Variants in SLC12A1 observed in about 807,000 individuals in gnomAD.
SLC12A1 encodes Na-K-2Cl cotransporter.
In SLC12A1, 89 loss-of-function variants were observed where a neutral mutation model predicts 130.4. The observed-to-expected ratio is 0.68, with a 90% confidence interval of 0.58 to 0.81. SLC12A1 has a LOEUF of 0.81. Among genes scored for constraint, SLC12A1 ranks in the 40% least tolerant of loss-of-function variants. The pLI is 0.00. For missense variants in SLC12A1, 1,310 were observed against 1,336.4 expected, an observed-to-expected ratio of 0.98 and a Z score of 0.31; for synonymous variants, 499 against 460.0, an observed-to-expected ratio of 1.08 and a Z score of -1.09.
chr15:48,301,664 G>C (rs1597465514), intron 26 of SLC12A1, among the ~76,000 whole-genome samples: 1 of 152,032 alleles, frequency 6.6e-6, no homozygotes, highest in East Asian at 1.9e-4. Context: ...CCATGCTCCA[G>C]GAATCTGAGA....
At chr15:48,289,430 A>T (rs8040577) in intron 23 of SLC12A1, among the ~76,000 whole-genome samples, 1,833 of 84,190 alleles carry the variant, frequency 0.022, 111 homozygotes, top group East Asian at 0.15. Flanking sequence ...TATATATATA[A>T]TGTATAACTA....
At chr15:48,300,285 A>C (rs1415530014) in intron 25 of SLC12A1, among the ~76,000 whole-genome samples, 1 of 151,956 alleles carries the variant, frequency 6.6e-6, no homozygotes, top group Non-Finnish European at 1.5e-5. Flanking sequence ...AGCTCGTGCC[A>C]CTGTACTCTA....
chr15:48,279,779 T>C (rs1472479760), intron 20 of SLC12A1, among the ~76,000 whole-genome samples: 2 of 152,206 alleles, frequency 1.3e-5, no homozygotes, highest in Non-Finnish European at 2.9e-5. Flanking sequence ...TACAGCATGA[T>C]TTGTGAACAT....
chr15:48,214,763 A>C (rs1597396557), intron 2 of SLC12A1, among the ~76,000 whole-genome samples: 2 of 147,600 alleles, frequency 1.4e-5, no homozygotes, highest in Non-Finnish European at 2.9e-5. Flanking sequence ...CAGGAGTGGG[A>C]GGGGCTTAGG....
intron 9 of SLC12A1, among the ~76,000 whole-genome samples, chr15:48,237,783 G>A (rs936711197): frequency 3.3e-5 from 5 of 152,134 alleles, no homozygotes; most frequent in Middle Eastern, 3.2e-3. Context: ...GAGACTCTAC[G>A]GAGGTTAGAC....
intron 20 of SLC12A1, among the ~76,000 whole-genome samples, chr15:48,276,629 T>C (rs2041956833): frequency 6.6e-6 from 1 of 152,070 alleles, no homozygotes; most frequent in Non-Finnish European, 1.5e-5. Context: ...CCTCCAGAAT[T>C]GTGAGGAAAT....
rs556066932 is a variant in SLC12A1 at position 48,279,378 on chromosome 15, A to T, written c.2485+4725A>T. 1.4e-3 allele frequency among the ~76,000 whole-genome samples: 209 copies of T among 152,340 alleles called. 1 individual carries two copies. Among genetic ancestry groups the T allele is most frequent in the African/African-American group, 4.8e-3 (199 of 41,566 alleles). On this transcript the variant is annotated intron_variant, in intron 20 of 26. Coordinates refer to ENST00000380993, the MANE Select transcript of SLC12A1 (RefSeq NM_000338.3). ...CATCACAGATTATAATTTAAAGGAA[A>T]TATTAGCAATTCAGAGTGCCCATAT...
At chr15:48,271,217 A>T (rs1023130784) in intron 19 of SLC12A1, among the ~76,000 whole-genome samples, 1 of 152,254 alleles carries the variant, frequency 6.6e-6, no homozygotes, top group South Asian at 2.1e-4. Flanking sequence ...TGCCTCAAGA[A>T]AAAAAAGAAA....
At chr15:48,240,025 A>C (rs1300170210) in intron 9 of SLC12A1, among the ~76,000 whole-genome samples, 1 of 37,496 alleles carries the variant, frequency 2.7e-5, no homozygotes, top group Non-Finnish European at 6.0e-5. Context: ...ATATATATAT[A>C]TATCCATATA....
chr15:48,239,547 T>TA (rs1555466502), intron 9 of SLC12A1, among the ~76,000 whole-genome samples: 4 of 148,672 alleles, frequency 2.7e-5, no homozygotes, highest in East Asian at 2.0e-4. Context: ...AATAAATAAA[T>TA]AATAATGTCT....
At chr15:48,269,153 G>A (rs568195394) in intron 18 of SLC12A1, among the ~76,000 whole-genome samples, 1 of 152,260 alleles carries the variant, frequency 6.6e-6, no homozygotes, top group African/African-American at 2.4e-5. Context: ...GGCTATTAAT[G>A]ATACTGTCAC....
At chr15:48,231,478 T>C (rs181464849) in intron 7 of SLC12A1, among the ~76,000 whole-genome samples, 9 of 152,288 alleles carry the variant, frequency 5.9e-5, no homozygotes, top group Admixed American at 3.3e-4. Context: ...CAGTAGAGGG[T>C]AGCATTTAAA....
chr15:48,256,160 A>T, intron 16 of SLC12A1, among the ~76,000 whole-genome samples: 1 of 152,174 alleles, frequency 6.6e-6, no homozygotes, highest in East Asian at 1.9e-4. Context: ...ATGCGTGGAG[A>T]TAGCAAGGTG....
In SLC12A1 at chr15:48,288,468, G is replaced by C. The variant is rs772170109; in HGVS notation, c.2825G>C (p.Arg942Thr). 9.4e-5 allele frequency: 146 copies of C among 1,554,702 alleles called. No individual in the cohort carries two copies. The highest frequency in any genetic ancestry group is 1.2e-4 in the Non-Finnish European group (136 of 1,146,720). The change falls in exon 23 of 27, where the codon AGA (arginine) becomes ACA (threonine). Residue 942 changes from arginine to threonine, a missense_variant. Coordinates refer to ENST00000380993, the MANE Select transcript of SLC12A1 (RefSeq NM_000338.3). The stretch of plus-strand genomic sequence containing the variant: ...AAAAAATGGAAAGACTGTAAATTAA[G>C]AATCTATGTGGGAGGGAAGATCAAC... Reference protein sequence around the residue: ...LRKKWKDCKLRIYVGGKINRI... With the variant: ...LRKKWKDCKLTIYVGGKINRI...
At chr15:48,249,483 T>C (rs754176380) in intron 13 of SLC12A1, 92 bp from the exon 14 acceptor site, 12 of 978,292 alleles carry the variant, frequency 1.2e-5, no homozygotes, top group Non-Finnish European at 2.0e-5. Context: ...GTTTTCAATT[T>C]CCAAATAAAT....
intron 17 of SLC12A1, among the ~76,000 whole-genome samples, chr15:48,260,078 A>G (rs1395240740): frequency 1.3e-5 from 2 of 152,060 alleles, no homozygotes; most frequent in African/African-American, 4.8e-5. Context: ...GACCATGACG[A>G]TCATGGCAAA....
intron 17 of SLC12A1, among the ~76,000 whole-genome samples, chr15:48,263,890 GC>G (rs1002559811): frequency 2.0e-5 from 3 of 151,892 alleles, no homozygotes; most frequent in Non-Finnish European, 4.4e-5. Context: ...ACAGGGTTTT[GC>G]CATGTTGCCC....
intron 13 of SLC12A1, among the ~76,000 whole-genome samples, chr15:48,249,374 C>T (rs1480534581): frequency 6.6e-6 from 1 of 152,060 alleles, no homozygotes; most frequent in Non-Finnish European, 1.5e-5. Context: ...GATTGGTAGG[C>T]TTTTTTATTA....
At chr15:48,254,302 G>A (rs1318576167) in intron 15 of SLC12A1, among the ~76,000 whole-genome samples, 1 of 151,728 alleles carries the variant, frequency 6.6e-6, no homozygotes, top group Non-Finnish European at 1.5e-5. Flanking sequence ...TATGATGTGA[G>A]GTATTGTTCA....
Sources: gnomAD v4.1 joint callset for allele counts (sites outside exome capture counted in the v4.1 genomes callset) on GRCh38, gnomAD v4.1.1 for gene constraint, MANE v1.5 for transcripts, NCBI Gene and HGNC (gene_info 2026-07-23, HGNC 2026-07-21) for gene names.